The following AKAP13 variants were observed in gnomAD, a reference collection of about 807,000 sequenced individuals.
The protein encoded by AKAP13 is A-kinase anchor protein 13.
A neutral mutation model predicts 264.5 loss-of-function variants in AKAP13; 80 were observed. The observed-to-expected ratio is 0.30, with a 90% confidence interval of 0.25 to 0.36. The LOEUF is 0.36. AKAP13 is among the 10% of genes least tolerant of loss of function. The pLI is 1.00. For synonymous variants in AKAP13, 1,380 were observed against 1,250.2 expected (o/e 1.10, Z -2.19); for missense variants, 3,712 against 3,435.2 (o/e 1.08, Z -2.01).
intron 8 of AKAP13, among the ~76,000 whole-genome samples, chr15:85,597,508 T>G (rs7176054): frequency 6.6e-6 from 1 of 152,036 alleles, no homozygotes. Context: ...CTTTAATCCT[T>G]ACTCCCCATA....
intron 5 of AKAP13, among the ~76,000 whole-genome samples, chr15:85,561,406 G>A (rs2078373192): frequency 6.6e-6 from 1 of 152,208 alleles, no homozygotes; most frequent in Non-Finnish European, 1.5e-5. Context: ...TCAAAGTGCA[G>A]CTAAGGTTAA....
Position 85,533,584 on chromosome 15 carries a change from G to T in AKAP13, c.182G>T (p.Gly61Val). 1 of 1,604,372 alleles carries T rather than the reference G, an allele frequency of 6.2e-7. No homozygotes were observed. Among genetic ancestry groups the T allele is most frequent in the Non-Finnish European group, 8.5e-7 (1 of 1,174,644 alleles). The change falls in exon 4 of 37, where the codon GGT (glycine) becomes GTT (valine). Residue 61 changes from glycine (G) to valine (V), a missense_variant and splice_region_variant. Physicochemically the swap from Gly to Val is moderately radical, Grantham distance 109. Transcript: ENST00000394518. ...SSDTLETIAP[G>V]HDCCETVKVQ... The stretch of plus-strand genomic sequence containing the variant: ...TATTTGCTGCCTGTGTTTCCTTTAG[G>T]TCATGATTGTTGTGAAACAGTGAAG...
intron 4 of AKAP13, among the ~76,000 whole-genome samples, chr15:85,537,270 C>T (rs1350380288): frequency 6.6e-6 from 1 of 152,008 alleles, no homozygotes; most frequent in South Asian, 2.1e-4. Flanking sequence ...CACATAAATA[C>T]TTTTAAATAG....
chr15:85,543,941 C>G lies in AKAP13; in HGVS notation c.648C>G (p.His216Gln), dbSNP rs960831400. The change falls in exon 5 of 37, where the codon CAC becomes CAG. Residue 216 changes from histidine (H) to glutamine (Q), a missense_variant. Physicochemically the swap from His to Gln is conservative, Grantham distance 24. This residue lies in a region of AKAP13 where 2,759 missense variants were observed against 2,411.7 expected (regional missense o/e 1.14). Coordinates refer to ENST00000394518, the MANE Select transcript of AKAP13 (RefSeq NM_007200.5). ...LALERGYHKL[H>Q]QLLTEENAGE... ...TGGAGCGAGGCTATCACAAGCTGCA[C>G]CAGCTTCTAACCGAGTAAGTGCTCC... 1.9e-6 allele frequency: 3 copies of G among 1,612,732 alleles called. No individual in the cohort carries two copies. Among genetic ancestry groups the G allele is most frequent in the Non-Finnish European group, 2.5e-6 (3 of 1,178,930 alleles).
intron 35 of AKAP13, among the ~76,000 whole-genome samples, chr15:85,742,613 T>TA (rs1259957411): frequency 3.3e-5 from 5 of 152,244 alleles, no homozygotes; most frequent in African/African-American, 1.2e-4. Context: ...TCTCTTTCTC[T>TA]ATAGCTGCTG....
rs1363924917 is a variant in AKAP13, at chr15:85,748,703, A to G, written c.*4026A>G. ...ATCTTTCCAAGTACTCATCTAATTT[A>G]ATTGTCAAAAGATTGATAGGCCATG... is the stretch of plus-strand genomic sequence containing the variant. On this transcript the variant is annotated 3_prime_UTR_variant, in exon 37 of 37. Transcript: ENST00000394518. The G allele has an allele frequency of 1.3e-5, 2 of 152,186 alleles. No individual in the cohort carries two copies. Among genetic ancestry groups the G allele is most frequent in the East Asian group, 1.9e-4 (1 of 5,170 alleles). The allele number at this position is 152,186 out of a possible 1,614,324, so 9.4% of individuals were successfully genotyped here. A position where few individuals can be genotyped will look rare whatever the true frequency, so the allele number is the denominator to read the frequency against.
At chr15:85,739,285 T>A (rs2088785151) in intron 33 of AKAP13, among the ~76,000 whole-genome samples, 1 of 152,232 alleles carries the variant, frequency 6.6e-6, no homozygotes, top group Non-Finnish European at 1.5e-5. Flanking sequence ...TTACCAACAT[T>A]GAGTATTATC....
Position 85,580,029 on chromosome 15 carries a change from C to T in AKAP13, c.1961C>T (p.Ser654Phe). ...AAGGGCAAATCCTCACCCATTTGTT[C>T]TACAACTGGAGACGATAAACTTTGT... ...SQKGKSSPICSTTGDDKLCAD... is the reference protein window; with the variant it reads ...SQKGKSSPICFTTGDDKLCAD... Residue 654 changes from serine to phenylalanine, a missense_variant, in exon 7 of 37, where the codon TCT becomes TTT. Physicochemically the swap from Ser to Phe is radical, Grantham distance 155. Coordinates refer to ENST00000394518, the MANE Select transcript of AKAP13 (RefSeq NM_007200.5). The T allele has an allele frequency of 6.2e-7, 1 of 1,614,150 alleles. No homozygotes were observed. The highest frequency in any genetic ancestry group is 1.7e-5 in the Admixed American group (1 of 60,028).
In AKAP13 at chr15:85,639,375, T is replaced by C. The variant is rs141082477; in HGVS notation, c.4163T>C (p.Ile1388Thr). Reference sequence around the variant, plus strand: ...CTCTGTGTTTTCTTTTTCTTTCAGATAAACCGAGAAAACTGGTGTACAATA... The same window carrying C: ...CTCTGTGTTTTCTTTTTCTTTCAGACAAACCGAGAAAACTGGTGTACAATA... Reference protein sequence around the residue: ...KMKQGPMTQAINRENWCTIEP... With the variant: ...KMKQGPMTQATNRENWCTIEP... Residue 1388 changes from isoleucine (I) to threonine (T), a missense_variant and splice_region_variant, in exon 9 of 37, where the codon ATA (isoleucine) becomes ACA (threonine). Coordinates refer to ENST00000394518, the MANE Select transcript of AKAP13 (RefSeq NM_007200.5). 14 of 1,608,272 alleles carry C rather than the reference T, an allele frequency of 8.7e-6. No individual in the cohort carries two copies. Among genetic ancestry groups the C allele is most frequent in the Non-Finnish European group, 1.2e-5 (14 of 1,177,538 alleles).
At chr15:85,676,884 T>G (rs1348127601) in intron 14 of AKAP13, 1 of 951,780 alleles carries the variant, frequency 1.1e-6, no homozygotes, top group Non-Finnish European at 1.3e-6. Flanking sequence ...CGGAACCGCA[T>G]AGGCCATTGA....
chr15:85,572,300 T>C (rs2078843385), intron 5 of AKAP13, among the ~76,000 whole-genome samples: 1 of 152,222 alleles, frequency 6.6e-6, no homozygotes, highest in South Asian at 2.1e-4. Flanking sequence ...TAAGCAGATA[T>C]GCCACTAATG....
At chr15:85,566,744 A>G (rs2078620358) in intron 5 of AKAP13, among the ~76,000 whole-genome samples, 1 of 150,520 alleles carries the variant, frequency 6.6e-6, no homozygotes, top group African/African-American at 2.5e-5. Flanking sequence ...CTTCTGCCTC[A>G]GACTTCTGAG....
At position 85,734,952 on chromosome 15, in the gene AKAP13, AAAGAT is replaced by A. The variant is rs148337039; in HGVS notation, c.7283-34_7283-30del. ...CTATGAACTTGTTTTCCCCTCATTG[AAAGAT>A]AAGATGTCAGCTTTGCATGTTTCCT... On this transcript the variant is annotated intron_variant, in intron 30 of 36. Coordinates refer to ENST00000394518, the MANE Select transcript of AKAP13 (RefSeq NM_007200.5). The A allele has an allele frequency of 8.3e-4, 1,321 of 1,599,788 alleles. 6 individuals carry two copies. The African/African-American group carries it at 0.015, about 18-fold the overall frequency.
intron 8 of AKAP13, among the ~76,000 whole-genome samples, chr15:85,634,342 A>C (rs2081985674): frequency 1.3e-5 from 2 of 152,222 alleles, no homozygotes; most frequent in African/African-American, 4.8e-5. Context: ...GATCAGAAAT[A>C]TATTTTAGAG....
chr15:85,493,437 G>T (rs2075788795), intron 2 of AKAP13, among the ~76,000 whole-genome samples: 2 of 152,154 alleles, frequency 1.3e-5, no homozygotes, highest in African/African-American at 4.8e-5. Context: ...TGAAGGTGTG[G>T]CCAACAGGGA....
At chr15:85,623,217 AT>A (rs1206784819) in intron 8 of AKAP13, among the ~76,000 whole-genome samples, 1 of 152,106 alleles carries the variant, frequency 6.6e-6, no homozygotes, top group Non-Finnish European at 1.5e-5. Context: ...GGAGTTTGTC[AT>A]TTTTATCTGT....
At chr15:85,707,837 C>T (rs1289674587) in intron 17 of AKAP13, among the ~76,000 whole-genome samples, 182 bp from the exon 18 acceptor site, 5 of 152,030 alleles carry the variant, frequency 3.3e-5, no homozygotes. Flanking sequence ...TGTTTTTCCT[C>T]CTCCAAATAA....
At chr15:85,527,673 G>A (rs957699480) in intron 3 of AKAP13, among the ~76,000 whole-genome samples, 1 of 152,106 alleles carries the variant, frequency 6.6e-6, no homozygotes, top group African/African-American at 2.4e-5. Context: ...AAATACTCCT[G>A]TACACATAGA....
chr15:85,608,806 G>T (rs1037118964), intron 8 of AKAP13, among the ~76,000 whole-genome samples: 2 of 152,154 alleles, frequency 1.3e-5, no homozygotes, highest in Non-Finnish European at 2.9e-5. Context: ...TTGGTTAAGG[G>T]TCATGGAGTA....
Sources: allele counts gnomAD v4.1 joint callset (sites outside exome capture counted in the v4.1 genomes callset), GRCh38; gene constraint gnomAD v4.1.1; regional missense constraint gnomAD v4.1.1; transcripts MANE v1.5; gene names NCBI Gene and HGNC (gene_info 2026-07-23, HGNC 2026-07-21).